The following COL24A1 variants were observed in gnomAD, a reference collection of about 807,000 sequenced individuals.
COL24A1 encodes the protein collagen type XXIV alpha 1 chain.
In COL24A1, 224 loss-of-function variants were observed where a neutral mutation model predicts 253.9. The observed-to-expected ratio is 0.88, with a 90% CI of 0.79 to 0.99. The LOEUF (loss-of-function observed/expected upper bound fraction) is 0.99. Ranked by LOEUF, COL24A1 falls within the 50% of genes least tolerant of loss-of-function variation. COL24A1 has a pLI of 0.00. For synonymous variants in COL24A1, 685 were observed against 673.7 expected (o/e 1.02, Z -0.26); for missense variants, 2,131 against 2,068.5 (o/e 1.03, Z -0.59).
At chr1:85,827,470 TC>T (rs1674533268) in intron 43 of COL24A1, among the ~76,000 whole-genome samples, 1 of 151,822 alleles carries the variant, frequency 6.6e-6, no homozygotes, top group Non-Finnish European at 1.5e-5. Flanking sequence ...TCCCTCTTTT[TC>T]TATTGATTGG....
intron 2 of COL24A1, among the ~76,000 whole-genome samples, chr1:86,131,607 C>T (rs968525540): frequency 1.3e-5 from 2 of 149,324 alleles, no homozygotes; most frequent in African/African-American, 2.5e-5. Context: ...TGAGAACATG[C>T]AGTGTTTGGT....
At chr1:86,062,031 A>C (rs1701129655) in intron 8 of COL24A1, among the ~76,000 whole-genome samples, 1 of 152,070 alleles carries the variant, frequency 6.6e-6, no homozygotes, top group Non-Finnish European at 1.5e-5. Context: ...TGTGGATAAA[A>C]TAGAACAATG....
At chr1:85,737,780 C>T (rs1021832665) in intron 57 of COL24A1, among the ~76,000 whole-genome samples, 2 of 151,958 alleles carry the variant, frequency 1.3e-5, no homozygotes, top group African/African-American at 4.8e-5. Context: ...GTCAGGCTGG[C>T]CTTGAACTCC....
intron 24 of COL24A1, among the ~76,000 whole-genome samples, chr1:85,913,075 T>C (rs1685530007): frequency 1.3e-5 from 2 of 152,352 alleles, no homozygotes; most frequent in Non-Finnish European, 2.9e-5. Flanking sequence ...TTAGGCACTA[T>C]GCTAATATTA....
intron 53 of COL24A1, among the ~76,000 whole-genome samples, chr1:85,768,529 A>T (rs1667611781): frequency 6.8e-6 from 1 of 146,496 alleles, no homozygotes; most frequent in Non-Finnish European, 1.5e-5. Flanking sequence ...TTTACAGCTG[A>T]TGGGAATTAA....
chr1:85,787,864 C>T (rs745587431), intron 47 of COL24A1, among the ~76,000 whole-genome samples: 3 of 152,164 alleles, frequency 2.0e-5, no homozygotes, highest in Non-Finnish European at 4.4e-5. Flanking sequence ...TAAAAGTGTT[C>T]CTATTTCTCT....
intron 55 of COL24A1, among the ~76,000 whole-genome samples, chr1:85,755,824 C>T (rs1322506695): frequency 2.0e-5 from 3 of 150,114 alleles, no homozygotes; most frequent in Admixed American, 1.3e-4. Flanking sequence ...AGCTTGATAA[C>T]ATTTGATTTT....
At chr1:85,958,627 A>C (rs1346256990) in intron 24 of COL24A1, among the ~76,000 whole-genome samples, 1 of 152,180 alleles carries the variant, frequency 6.6e-6, no homozygotes, top group Non-Finnish European at 1.5e-5. Context: ...TGCCTACATT[A>C]AACCAAAAGC....
At chr1:85,796,860 T>C (rs992515033) in intron 47 of COL24A1, among the ~76,000 whole-genome samples, 1 of 152,088 alleles carries the variant, frequency 6.6e-6, no homozygotes, top group Non-Finnish European at 1.5e-5. Context: ...CTATCGCATC[T>C]AGATTTTAAA....
At chr1:85,827,694 T>C (rs957385609) in intron 43 of COL24A1, among the ~76,000 whole-genome samples, 1 of 151,778 alleles carries the variant, frequency 6.6e-6, no homozygotes, top group African/African-American at 2.4e-5. Flanking sequence ...TCTTCTAGAT[T>C]TTCTAGTTTA....
At chr1:85,887,379 A>G (rs1682634857) in intron 32 of COL24A1, among the ~76,000 whole-genome samples, 1 of 152,140 alleles carries the variant, frequency 6.6e-6, no homozygotes, top group African/African-American at 2.4e-5. Flanking sequence ...TGAACACTAC[A>G]TAAACCAAGG....
At chr1:85,847,840 A>G (rs1677311455) in intron 38 of COL24A1, 68 bp from the exon 39 acceptor site, 1 of 895,892 alleles carries the variant, frequency 1.1e-6, no homozygotes, top group African/African-American at 1.7e-5. Context: ...TAACTATATC[A>G]TATTCCTGAA....
At chr1:86,009,869 TTA>T (rs1696331786) in intron 19 of COL24A1, among the ~76,000 whole-genome samples, 1 of 152,164 alleles carries the variant, frequency 6.6e-6, no homozygotes, top group Non-Finnish European at 1.5e-5. Flanking sequence ...GACTAGGGTT[TTA>T]TATGAGGCCC....
chr1:85,798,192 G>A (rs1194588559), intron 47 of COL24A1, among the ~76,000 whole-genome samples: 1 of 91,340 alleles, frequency 1.1e-5, no homozygotes, highest in South Asian at 4.7e-4. Flanking sequence ...GAGGGACCCT[G>A]TCTCTATTAA....
chr1:85,916,088 T>C lies in COL24A1; in HGVS notation c.2563-4655A>G, dbSNP rs534399148. On this transcript the variant is annotated intron_variant, in intron 24 of 59. Coordinates refer to ENST00000370571, the MANE Select transcript of COL24A1 (RefSeq NM_152890.7). ...CATTTAAAAATCTGGAGATTTTACA[T>C]ATAAATACTTTATATATAAAGATTT... Among the ~76,000 whole-genome samples, 7 of 152,220 alleles carry C rather than the reference T, an allele frequency of 4.6e-5. No homozygotes were observed. The South Asian group carries it at 6.2e-4, about 14-fold the overall frequency.
rs374346687 is a variant in COL24A1, at chr1:86,124,844, C to G, written c.1491+1G>C. On this transcript the variant is annotated splice_donor_variant, in intron 3 of 59. Transcript: ENST00000370571. LOFTEE classifies it high-confidence loss of function. ...GAGATATTAAAAAAAAAAAAACTTA[C>G]GGGAGGTCCAGTGTCTCCTTTTGGC... The G allele has an allele frequency of 1.3e-6, 2 of 1,518,150 alleles. No individual in the cohort carries two copies. The highest frequency in any genetic ancestry group is 1.3e-5 in the South Asian group (1 of 74,894). The allele number at this position is 1,518,150 out of a possible 1,614,324, so 94.0% of individuals were successfully genotyped here.
chr1:85,914,304 ATGTGTGTGTG>A (rs71078628), intron 24 of COL24A1, among the ~76,000 whole-genome samples: 23 of 139,252 alleles, frequency 1.7e-4, no homozygotes, highest in South Asian at 1.5e-3. Flanking sequence ...TTTGTCATGA[ATGTGTGTGTG>A]TGTGTGTGTG....
At chr1:85,798,720 A>G (rs1403617118) in intron 47 of COL24A1, among the ~76,000 whole-genome samples, 1 of 152,146 alleles carries the variant, frequency 6.6e-6, no homozygotes, top group African/African-American at 2.4e-5. Flanking sequence ...AGGATTTTCA[A>G]TGTTCCTTTA....
At chr1:86,006,880 T>C (rs1411685098) in intron 19 of COL24A1, among the ~76,000 whole-genome samples, 2 of 152,112 alleles carry the variant, frequency 1.3e-5, no homozygotes, top group African/African-American at 4.8e-5. Context: ...TATGAACAGA[T>C]GCTCCACATT....
Sources: allele counts gnomAD v4.1 joint callset (sites outside exome capture counted in the v4.1 genomes callset), GRCh38; gene constraint gnomAD v4.1.1; transcripts MANE v1.5; gene names NCBI Gene and HGNC (gene_info 2026-07-23, HGNC 2026-07-21).